The following FAT1 variants were observed in gnomAD, a reference collection of about 807,000 sequenced individuals.
FAT1 encodes the protein FAT atypical cadherin 1, also known as protocadherin Fat 1.
A neutral mutation model predicts 329.8 loss-of-function variants in FAT1; 171 were observed. The observed-to-expected ratio is 0.52, with a 90% CI of 0.46 to 0.59. The LOEUF is 0.59. Ranked by LOEUF, FAT1 falls within the 20% of genes least tolerant of loss-of-function variation. The pLI is 0.00. For missense variants in FAT1, 5,672 were observed against 5,774.4 expected (o/e 0.98, Z 0.57); for synonymous variants, 2,233 against 2,228.6 (o/e 1.00, Z -0.06).
At chr4:186,657,705 T>C (rs1025858587) in intron 3 of FAT1, among the ~76,000 whole-genome samples, 7 of 152,256 alleles carry the variant, frequency 4.6e-5, no homozygotes, top group South Asian at 2.1e-4. Flanking sequence ...AGCAAAAACG[T>C]GAAAAATATC....
intron 3 of FAT1, among the ~76,000 whole-genome samples, chr4:186,645,401 ATATATATATATATATATATATG>A (rs1741314817): frequency 9.7e-6 from 1 of 102,934 alleles, no homozygotes; most frequent in African/African-American, 3.8e-5. Context: ...ATATATATAT[ATATATATATATATATATATATG>A]CCTGTAAAAA....
intron 1 of FAT1, among the ~76,000 whole-genome samples, chr4:186,717,954 T>C (rs961335660): frequency 2.6e-5 from 4 of 152,182 alleles, no homozygotes; most frequent in African/African-American, 9.7e-5. Flanking sequence ...TCTCATCTAA[T>C]GTATTTTTCT....
chr4:186,688,836 G>A (rs1459264584), intron 2 of FAT1, among the ~76,000 whole-genome samples: 1 of 152,116 alleles, frequency 6.6e-6, no homozygotes, highest in Non-Finnish European at 1.5e-5. Context: ...TGGCAGGGTA[G>A]GTTTTCATAA....
intron 1 of FAT1, among the ~76,000 whole-genome samples, chr4:186,723,098 T>C (rs73876308): frequency 0.01 from 1,596 of 152,342 alleles, 35 homozygotes; most frequent in African/African-American, 0.036. Flanking sequence ...TAAAAAGATC[T>C]TAGAAGTTCC....
intron 3 of FAT1, among the ~76,000 whole-genome samples, chr4:186,642,015 A>AC (rs978211558): frequency 7.9e-5 from 12 of 151,878 alleles, no homozygotes; most frequent in African/African-American, 2.7e-4. Context: ...AAAAAAAAAA[A>AC]AACAAAATCC....
At chr4:186,655,607 GT>G (rs756442741) in intron 3 of FAT1, among the ~76,000 whole-genome samples, 4 of 151,864 alleles carry the variant, frequency 2.6e-5, no homozygotes, top group Non-Finnish European at 4.4e-5. Flanking sequence ...GCTAATTTTT[GT>G]TTTTAGCAGA....
rs11722204 is a variant in FAT1 at position 186,708,742 on chromosome 4, G to A, written c.1086C>T (p.Ala362=). The A allele has an allele frequency of 0.052, 83,697 of 1,613,850 alleles. 2,600 individuals carry two copies. Among genetic ancestry groups the A allele is most frequent in the Non-Finnish European group, 0.061 (72,369 of 1,179,852 alleles). Reference sequence around the variant, plus strand: ...CATCCTTTTCAAACTTGACTGGCCCGGCTTTGAACTGTGGAGAAGTCACGT... The same window carrying A: ...CATCCTTTTCAAACTTGACTGGCCCAGCTTTGAACTGTGGAGAAGTCACGT... ...VIHVTSPQFK[A]GPVKFEKDVY... The change falls in exon 2 of 27, where the codon GCC becomes GCT. Residue 362 remains alanine (A), a synonymous_variant. Transcript: ENST00000441802.
At chr4:186,637,744 C>G (rs1370631243) in intron 4 of FAT1, among the ~76,000 whole-genome samples, 1 of 152,162 alleles carries the variant, frequency 6.6e-6, no homozygotes. Flanking sequence ...TCTCCCCTAT[C>G]CACACCCCTA....
In FAT1 at chr4:186,708,151, G is replaced by A. The variant is rs2126694233; in HGVS notation, c.1677C>T (p.Leu559=). The part of the protein sequence containing the change: ...REVEVLATIT[L]NNLNDNTPLF... Reference sequence around the variant, plus strand: ...AAGGTGTGTTGTCATTCAAGTTATTGAGAGTAATTGTAGCAAGGACTTCGA... The same window carrying A: ...AAGGTGTGTTGTCATTCAAGTTATTAAGAGTAATTGTAGCAAGGACTTCGA... Residue 559 remains leucine, a synonymous_variant, in exon 2 of 27, where the codon CTC becomes CTT. Coordinates refer to ENST00000441802, the MANE Select transcript of FAT1 (RefSeq NM_005245.4). The A allele has an allele frequency of 6.2e-7, 1 of 1,613,902 alleles. No homozygotes were observed. The highest frequency in any genetic ancestry group is 8.5e-7 in the Non-Finnish European group (1 of 1,179,884).
In FAT1 at chr4:186,639,739, C is replaced by T. The variant is rs764360583; in HGVS notation, c.3625G>A (p.Asp1209Asn). The change falls in exon 4 of 27, where the codon GAT (aspartate) becomes AAT (asparagine). Residue 1209 changes from aspartate (D) to asparagine (N), a missense_variant. Asp to Asn is a conservative substitution (Grantham distance 23). Transcript: ENST00000441802. ...AAACTTACCTCTAATATGTGTTCAT[C>T]TTGCTGTTCTCGGTCTAGCTTCCTT... ...TSRKLDREQQ[D>N]EHILEVTVTD... 4 of 1,612,232 alleles carry T rather than the reference C, an allele frequency of 2.5e-6. No individual in the cohort carries two copies. The highest frequency in any genetic ancestry group is 1.1e-5 in the South Asian group (1 of 90,880).
At chr4:186,693,306 A>G (rs1376671488) in intron 2 of FAT1, among the ~76,000 whole-genome samples, 2 of 152,204 alleles carry the variant, frequency 1.3e-5, no homozygotes, top group Admixed American at 1.3e-4. Flanking sequence ...TGGAAGTAGG[A>G]ACATGAACAC....
intron 1 of FAT1, among the ~76,000 whole-genome samples, chr4:186,720,947 G>A (rs1745444606): frequency 6.6e-6 from 1 of 152,192 alleles, no homozygotes; most frequent in Non-Finnish European, 1.5e-5. Flanking sequence ...AACACTGCAG[G>A]TGGCTGCTCT....
chr4:186,619,632 G>T lies in FAT1; in HGVS notation c.6954C>A (p.Ile2318=). Residue 2318 remains isoleucine (I), a synonymous_variant, in exon 10 of 27, where the codon ATC becomes ATA. Transcript: ENST00000441802. ...TGTGATTCCCAAACATCTGGTATGA[G>T]ATTCCTCTATTTGGTTCTGAATCAG... ...TDSDSEPNRG[I]SYQMFGNHSK... 2 of 1,613,980 alleles carry T rather than the reference G, an allele frequency of 1.2e-6. No individual in the cohort carries two copies. The highest frequency in any genetic ancestry group is 2.7e-5 in the African/African-American group (2 of 75,056).
chr4:186,636,544 C>T (rs754569855), intron 5 of FAT1, 41 bp downstream of exon 5: 5 of 1,522,834 alleles, frequency 3.3e-6, no homozygotes, highest in Admixed American at 4.3e-5. Flanking sequence ...GGTTTATAGT[C>T]ACAACATATG....
At chr4:186,697,693 T>C (rs1744104188) in intron 2 of FAT1, among the ~76,000 whole-genome samples, 2 of 152,228 alleles carry the variant, frequency 1.3e-5, no homozygotes, top group Admixed American at 1.3e-4. Context: ...CACCATATAA[T>C]GTATGTAGAA....
At chr4:186,641,582 T>C (rs1741099177) in intron 3 of FAT1, among the ~76,000 whole-genome samples, 1 of 152,176 alleles carries the variant, frequency 6.6e-6, no homozygotes. Flanking sequence ...AGTATTCTTC[T>C]GCAGAGCACT....
intron 2 of FAT1, among the ~76,000 whole-genome samples, chr4:186,680,881 G>C (rs1262310513): frequency 4.6e-5 from 7 of 152,128 alleles, no homozygotes; most frequent in African/African-American, 1.7e-4. Flanking sequence ...ACTGAAATCG[G>C]CTTTTCTGAT....
At chr4:186,670,200 T>A (rs763045505) in intron 2 of FAT1, among the ~76,000 whole-genome samples, 1 of 152,206 alleles carries the variant, frequency 6.6e-6, no homozygotes, top group Non-Finnish European at 1.5e-5. Flanking sequence ...GAAATACCTA[T>A]CATCAGCAAC....
At chr4:186,592,606 TCCTACCA>T in intron 26 of FAT1, 1 of 441,734 alleles carries the variant, frequency 2.3e-6, no homozygotes, top group Admixed American at 2.5e-5. Flanking sequence ...AACTGTTTTT[TCCTACCA>T]TTGCAATAGC....
Sources: gnomAD v4.1 joint callset for allele counts (sites outside exome capture counted in the v4.1 genomes callset) on GRCh38, gnomAD v4.1.1 for gene constraint, MANE v1.5 for transcripts, NCBI Gene and HGNC (gene_info 2026-07-23, HGNC 2026-07-21) for gene names.